The following PBX1 variants were observed in gnomAD, a reference collection of about 807,000 sequenced individuals.
PBX1 encodes the protein pre-B-cell leukemia transcription factor 1.
A neutral mutation model predicts 53.4 loss-of-function variants in PBX1; 6 were observed. That is an observed-to-expected ratio of 0.11 (90% CI 0.06 to 0.22). The LOEUF is 0.22. PBX1 is among the 10% of genes least tolerant of loss of function. The pLI is 1.00. For synonymous variants in PBX1, 204 were observed against 212.3 expected, an observed-to-expected ratio of 0.96 and a Z score of 0.34; for missense variants, 251 against 551.4, an observed-to-expected ratio of 0.46 and a Z score of 5.46.
chr1:164,577,403 A>G (rs1405928920), intron 2 of PBX1, among the ~76,000 whole-genome samples: 1 of 152,204 alleles, frequency 6.6e-6, no homozygotes, highest in African/African-American at 2.4e-5. Context: ...TATTTTTACC[A>G]GTCTTCAGAA....
chr1:164,847,990 C>T lies in PBX1; in HGVS notation c.*1314C>T. 9.5e-7 allele frequency: 1 copy of T among 1,050,322 alleles called. No homozygotes were observed. Among genetic ancestry groups the T allele is most frequent in the Non-Finnish European group, 1.1e-6 (1 of 869,832 alleles). 65.1% of individuals were successfully genotyped at this position (1,050,322 alleles called of 1,614,324 possible). On this transcript the variant is annotated 3_prime_UTR_variant, in exon 9 of 9. Coordinates refer to ENST00000420696, the MANE Select transcript of PBX1 (RefSeq NM_002585.4). ...GTTTAATTTTTTGTTTTATATTAGGCACACTGTATTAATTTTCCAAAATGT... is the reference window on the plus strand; with the variant it reads ...GTTTAATTTTTTGTTTTATATTAGGTACACTGTATTAATTTTCCAAAATGT...
At chr1:164,883,370 A>C (rs150616519) in intron 2 of PBX1, among the ~76,000 whole-genome samples, 1 of 152,218 alleles carries the variant, frequency 6.6e-6, no homozygotes, top group African/African-American at 2.4e-5. Context: ...GGGCAAATGG[A>C]TATTTTCAAA....
chr1:164,569,812 C>T (rs750506480), intron 2 of PBX1, among the ~76,000 whole-genome samples: 13 of 152,148 alleles, frequency 8.5e-5, no homozygotes, highest in Non-Finnish European at 1.6e-4. Flanking sequence ...CCGCCTGCCT[C>T]GGCCTCCCAG....
intron 2 of PBX1, among the ~76,000 whole-genome samples, chr1:164,589,114 A>T (rs953747259): frequency 6.6e-6 from 1 of 152,144 alleles, no homozygotes; most frequent in Non-Finnish European, 1.5e-5. Flanking sequence ...AGTGACAGAC[A>T]GGAATCAAAT....
At chr1:164,573,435 CTA>C (rs1184853579) in intron 2 of PBX1, among the ~76,000 whole-genome samples, 1 of 144,952 alleles carries the variant, frequency 6.9e-6, no homozygotes, top group Non-Finnish European at 1.5e-5. Context: ...TTTTGTGTGT[CTA>C]TGCTGAGGCT....
chr1:164,707,709 A>G (rs887878424), intron 2 of PBX1, among the ~76,000 whole-genome samples: 1 of 152,180 alleles, frequency 6.6e-6, no homozygotes, highest in Non-Finnish European at 1.5e-5. Context: ...AGGAGACTGG[A>G]GGGACAGTGG....
chr1:164,762,768 T>G (rs887407925), intron 2 of PBX1, among the ~76,000 whole-genome samples: 1 of 152,232 alleles, frequency 6.6e-6, no homozygotes, highest in Non-Finnish European at 1.5e-5. Flanking sequence ...TAGAAATGTT[T>G]AATAACCTGT....
chr1:164,809,467 G>A (rs1314065788), intron 5 of PBX1, among the ~76,000 whole-genome samples: 1 of 152,164 alleles, frequency 6.6e-6, no homozygotes, highest in Non-Finnish European at 1.5e-5. Context: ...TCCAATGGAA[G>A]ACAGTATAAT....
chr1:164,590,795 TA>T lies in PBX1; in HGVS notation c.265+27494del, dbSNP rs909410063. Among the ~76,000 whole-genome samples the T allele has an allele frequency of 7.8e-4, 117 of 149,760 alleles. 1 individual carries two copies. In the East Asian group the frequency reaches 0.017, roughly 22 times the overall value. On this transcript the variant is annotated intron_variant, in intron 2 of 8. Coordinates refer to ENST00000420696, the MANE Select transcript of PBX1 (RefSeq NM_002585.4). ...CAGGGATGTTGAAGATTCAGGATATTAAAAAAAAAATCTCTGACTGCATGAT... is the reference window on the plus strand; with the variant it reads ...CAGGGATGTTGAAGATTCAGGATATTAAAAAAAAATCTCTGACTGCATGAT...
At chr1:164,673,495 G>A (rs1236796615) in intron 2 of PBX1, among the ~76,000 whole-genome samples, 1 of 125,896 alleles carries the variant, frequency 7.9e-6, no homozygotes, top group African/African-American at 4.0e-5. Flanking sequence ...TTTTGAGACG[G>A]AATCTCGCAC....
At position 164,847,586 on chromosome 1, in the gene PBX1, T is replaced by G; in HGVS notation, c.*910T>G. 1 of 1,062,740 alleles carries G rather than the reference T, an allele frequency of 9.4e-7. No individual in the cohort carries two copies. The highest frequency in any genetic ancestry group is 1.1e-6 in the Non-Finnish European group (1 of 877,686). 65.8% of individuals were successfully genotyped at this position (1,062,740 alleles called of 1,614,324 possible). A position where few individuals can be genotyped will look rare whatever the true frequency, so the allele number is the denominator to read the frequency against. On this transcript the variant is annotated 3_prime_UTR_variant, in exon 9 of 9. Coordinates refer to ENST00000420696, the MANE Select transcript of PBX1 (RefSeq NM_002585.4). The stretch of plus-strand genomic sequence containing the variant: ...AGCAAGGAATAGAAAGTTCTTATCG[T>G]GAAACCCTTCAACCTCAACTATGCC...
intron 2 of PBX1, among the ~76,000 whole-genome samples, chr1:164,672,300 G>A (rs529782718): frequency 6.6e-6 from 1 of 152,054 alleles, no homozygotes; most frequent in African/African-American, 2.4e-5. Flanking sequence ...GTAATCTCTC[G>A]ACCCCATGGA....
chr1:164,769,060 GAAAA>G (rs57947708), intron 2 of PBX1: 1 of 121,100 alleles, frequency 8.3e-6, no homozygotes, highest in South Asian at 2.6e-4. Flanking sequence ...GTCTCAAAAA[GAAAA>G]AAAAAAAAGA....
intron 8 of PBX1, among the ~76,000 whole-genome samples, chr1:164,832,406 A>T (rs546617118): frequency 1.1e-4 from 16 of 152,314 alleles, no homozygotes; most frequent in African/African-American, 3.8e-4. Flanking sequence ...AGGCTACCCT[A>T]CACCTTTATT....
At chr1:164,754,931 G>A (rs1666430600) in intron 2 of PBX1, among the ~76,000 whole-genome samples, 1 of 152,096 alleles carries the variant, frequency 6.6e-6, no homozygotes, top group Admixed American at 6.5e-5. Flanking sequence ...ACAAATTTCT[G>A]TATAATATTG....
At chr1:164,779,564 C>G (rs1372817898) in intron 2 of PBX1, among the ~76,000 whole-genome samples, 2 of 152,148 alleles carry the variant, frequency 1.3e-5, no homozygotes, top group African/African-American at 4.8e-5. Context: ...AAGAGAAAAG[C>G]AAATTTGGCT....
intron 8 of PBX1, among the ~76,000 whole-genome samples, chr1:164,834,201 A>C (rs1198219938): frequency 6.6e-6 from 1 of 151,520 alleles, no homozygotes; most frequent in East Asian, 1.9e-4. Flanking sequence ...TGTTTAGTAG[A>C]TGTTTTCTTG....
At chr1:164,560,289 C>T (rs1468614151) in intron 1 of PBX1, 6 of 400,354 alleles carry the variant, frequency 1.5e-5, no homozygotes, top group Non-Finnish European at 2.6e-5. Flanking sequence ...AACACACAGG[C>T]ATGCCGAAAA....
intron 2 of PBX1, among the ~76,000 whole-genome samples, chr1:164,878,853 A>G (rs1173228924): frequency 1.3e-5 from 2 of 152,212 alleles, no homozygotes; most frequent in African/African-American, 4.8e-5. Flanking sequence ...TGCACACCTG[A>G]TTTTAGGGTT....
Sources: allele counts gnomAD v4.1 joint callset (sites outside exome capture counted in the v4.1 genomes callset), GRCh38; gene constraint gnomAD v4.1.1; transcripts MANE v1.5; gene names NCBI Gene and HGNC (gene_info 2026-07-23, HGNC 2026-07-21).